Variants in C12orf75 observed in about 807,000 individuals in gnomAD.
The protein encoded by C12orf75 is chromosome 12 open reading frame 75.
In C12orf75, 4 loss-of-function variants were observed where a neutral mutation model predicts 11.4. The ratio of observed to expected loss-of-function variants is 0.35; its 90% confidence interval spans 0.17 to 0.80. The LOEUF is 0.80. Ranked by LOEUF, C12orf75 falls within the 30% of genes least tolerant of loss-of-function variation. The probability of loss-of-function intolerance (pLI) is 0.52; values close to 1 mark genes in which losing one functional copy is unlikely to be tolerated. For missense variants in C12orf75, 89 were observed against 80.4 expected (o/e 1.11, Z -0.41); for synonymous variants, 30 against 30.0 (o/e 1.00, Z 0.00).
At chr12:105,351,625 G>A (rs1892714912) in intron 2 of C12orf75, among the ~76,000 whole-genome samples, 1 of 152,134 alleles carries the variant, frequency 6.6e-6, no homozygotes, top group Admixed American at 6.5e-5. Flanking sequence ...ATTGAAGGAT[G>A]AACAAGAGTT....
At chr12:105,350,635 G>A (rs1468772198) in intron 2 of C12orf75, among the ~76,000 whole-genome samples, 1 of 152,142 alleles carries the variant, frequency 6.6e-6, no homozygotes, top group Admixed American at 6.5e-5. Flanking sequence ...GTGGGGCATC[G>A]TGTTGGGTTT....
chr12:105,367,252 C>T (rs1871502506), intron 4 of C12orf75, among the ~76,000 whole-genome samples: 1 of 152,170 alleles, frequency 6.6e-6, no homozygotes, highest in African/African-American at 2.4e-5. Context: ...AATGTATTGT[C>T]TGATGTATAG....
rs143218619 is a variant in C12orf75 at position 105,364,104 on chromosome 12, A to G, written c.72-1703A>G. ...CCGGAAATGTGTGTCATAAGCTACC[A>G]GTTATATACAGATTCAAGTGATTTC... is the stretch of plus-strand genomic sequence containing the variant. On this transcript the variant is annotated intron_variant, in intron 2 of 5. Coordinates refer to ENST00000443585, the MANE Select transcript of C12orf75 (RefSeq NM_001145199.2). Among the ~76,000 whole-genome samples the G allele has an allele frequency of 2.8e-3, 431 of 152,382 alleles. 2 individuals carry two copies. The highest frequency in any genetic ancestry group is 9.5e-3 in the African/African-American group (396 of 41,594).
intron 1 of C12orf75, among the ~76,000 whole-genome samples, chr12:105,337,897 T>C (rs1030830668): frequency 2.6e-5 from 4 of 152,162 alleles, no homozygotes; most frequent in African/African-American, 9.7e-5. Context: ...GGGGTCAGTT[T>C]TCCTTGCTTC....
At chr12:105,369,781 T>C (rs1270210325) in intron 5 of C12orf75, among the ~76,000 whole-genome samples, 6 of 152,254 alleles carry the variant, frequency 3.9e-5, no homozygotes, top group Non-Finnish European at 7.3e-5. Flanking sequence ...TGAAAAGTTT[T>C]CTAAGTTGAT....
chr12:105,349,208 G>T (rs1192333002), intron 2 of C12orf75, among the ~76,000 whole-genome samples: 1 of 152,158 alleles, frequency 6.6e-6, no homozygotes, highest in Non-Finnish European at 1.5e-5. Flanking sequence ...GCATCCTCCT[G>T]CCTCTAATCT....
chr12:105,340,813 A>G (rs148708705), intron 1 of C12orf75, among the ~76,000 whole-genome samples: 133 of 152,274 alleles, frequency 8.7e-4, no homozygotes, highest in African/African-American at 3.0e-3. Context: ...TTTATGAGAG[A>G]CACAAGATGA....
intron 2 of C12orf75, among the ~76,000 whole-genome samples, chr12:105,364,091 G>A (rs927481740): frequency 6.6e-6 from 1 of 152,220 alleles, no homozygotes; most frequent in African/African-American, 2.4e-5. Context: ...GGAAATGTGT[G>A]TCATAAGCTA....
At chr12:105,340,683 T>G (rs1892561070) in intron 1 of C12orf75, among the ~76,000 whole-genome samples, 2 of 151,994 alleles carry the variant, frequency 1.3e-5, no homozygotes. Flanking sequence ...TTTTCTGCAG[T>G]GAGTGAATGC....
At chr12:105,364,476 T>C (rs1056513535) in intron 2 of C12orf75, among the ~76,000 whole-genome samples, 2 of 152,022 alleles carry the variant, frequency 1.3e-5, no homozygotes, top group African/African-American at 4.8e-5. Context: ...ACCAGATAAT[T>C]ATTAAATCTA....
Position 105,345,750 on chromosome 12 carries a change from C to T in C12orf75, c.47-2852C>T, listed in dbSNP as rs564339708. ...AATCTCAACTCAATGCAACCTTTGC[C>T]TCCTGGGTTCAAGCAATTCTGCCTC... On this transcript the variant is annotated intron_variant, in intron 1 of 5. Transcript: ENST00000443585. Among the ~76,000 whole-genome samples the T allele has an allele frequency of 8.7e-4, 122 of 140,218 alleles. 1 individual carries two copies. Among genetic ancestry groups the T allele is most frequent in the African/African-American group, 3.1e-3 (119 of 38,202 alleles). 92.0% of individuals were successfully genotyped at this position (140,218 alleles called of 152,430 possible).
intron 1 of C12orf75, among the ~76,000 whole-genome samples, chr12:105,342,519 A>G (rs143511520): frequency 8.7e-4 from 133 of 152,350 alleles, no homozygotes; most frequent in African/African-American, 3.0e-3. Flanking sequence ...GTGGTATTCT[A>G]TAACAGCAAC....
rs1353882947 is a variant in C12orf75, at chr12:105,367,529, ATAAT to A, written c.*33+22_*33+25del. On this transcript the variant is annotated intron_variant, in intron 5 of 5. Coordinates refer to ENST00000443585, the MANE Select transcript of C12orf75 (RefSeq NM_001145199.2). Reference sequence around the variant, plus strand: ...CAAGAGGTGCTGTATATTTTTCTAAATAATTCTATATATTTAGACTTATTGATGA... The same window carrying A: ...CAAGAGGTGCTGTATATTTTTCTAAATCTATATATTTAGACTTATTGATGA... The A allele has an allele frequency of 2.6e-5, 17 of 660,852 alleles. No individual in the cohort carries two copies. Among genetic ancestry groups the A allele is most frequent in the African/African-American group, 2.6e-4 (14 of 54,878 alleles). The allele number at this position is 660,852 out of a possible 1,614,324, so 40.9% of individuals were successfully genotyped here. A position where few individuals can be genotyped will look rare whatever the true frequency, so the allele number is the denominator to read the frequency against.
chr12:105,365,884 G>C (rs1459568130), intron 3 of C12orf75, 42 bp downstream of exon 3: 1 of 1,335,148 alleles, frequency 7.5e-7, no homozygotes, highest in South Asian at 1.3e-5. Flanking sequence ...GAATGGTTTT[G>C]GCCATACCTC....
At chr12:105,348,418 C>CAAAAAAAAAAA (rs35593271) in intron 1 of C12orf75, among the ~76,000 whole-genome samples, 184 bp from the exon 2 acceptor site, 2 of 116,114 alleles carry the variant, frequency 1.7e-5, no homozygotes, top group Admixed American at 8.9e-5. Flanking sequence ...GTATCTGAAA[C>CAAAAAAAAAAA]AAAAAAAAAA....
chr12:105,358,841 T>G (rs1288746021), intron 2 of C12orf75, among the ~76,000 whole-genome samples: 3 of 152,220 alleles, frequency 2.0e-5, no homozygotes, highest in Non-Finnish European at 4.4e-5. Flanking sequence ...CCTTTAGTAC[T>G]GGCTTCCTCC....
intron 1 of C12orf75, among the ~76,000 whole-genome samples, chr12:105,332,856 G>T (rs1592874598): frequency 6.7e-6 from 1 of 149,990 alleles, no homozygotes. Flanking sequence ...GGGGAAATAT[G>T]ATTATCTTTA....
At chr12:105,335,059 C>G (rs960531623) in intron 1 of C12orf75, among the ~76,000 whole-genome samples, 1 of 152,168 alleles carries the variant, frequency 6.6e-6, no homozygotes, top group Non-Finnish European at 1.5e-5. Flanking sequence ...ATTTTTTCTG[C>G]CAGAGATATG....
chr12:105,335,206 A>T (rs1239809442), intron 1 of C12orf75, among the ~76,000 whole-genome samples: 1 of 152,214 alleles, frequency 6.6e-6, no homozygotes, highest in Non-Finnish European at 1.5e-5. Flanking sequence ...AGTGTATCCC[A>T]GGGAGTTAAT....
Sources: gnomAD v4.1 joint callset for allele counts (sites outside exome capture counted in the v4.1 genomes callset) on GRCh38, gnomAD v4.1.1 for gene constraint, MANE v1.5 for transcripts, NCBI Gene and HGNC (gene_info 2026-07-23, HGNC 2026-07-21) for gene names.